The following SLC25A26 variants were observed in gnomAD, a reference collection of about 807,000 sequenced individuals.
The protein encoded by SLC25A26 is mitochondrial S-adenosylmethionine carrier protein.
In SLC25A26, 36 loss-of-function variants were observed where a neutral mutation model predicts 37.8. The observed-to-expected ratio is 0.95, with a 90% CI of 0.73 to 1.26. The LOEUF (loss-of-function observed/expected upper bound fraction) is 1.26, where lower values mean the gene tolerates loss of function less well. SLC25A26 is among the 50% of genes most tolerant of loss of function. The probability of loss-of-function intolerance (pLI) is 0.00; values close to 1 mark genes in which losing one functional copy is unlikely to be tolerated. For synonymous variants in SLC25A26, 129 were observed against 122.5 expected, an observed-to-expected ratio of 1.05 and a Z score of -0.35; for missense variants, 390 against 331.1, an observed-to-expected ratio of 1.18 and a Z score of -1.38.
At chr3:66,331,296 A>G (rs2075967968) in intron 5 of SLC25A26, among the ~76,000 whole-genome samples, 1 of 152,160 alleles carries the variant, frequency 6.6e-6, no homozygotes, top group Non-Finnish European at 1.5e-5. Context: ...CAAACAGTAG[A>G]CATCCCTAGG....
chr3:66,137,201 T>G (rs2069958949), intron 1 of SLC25A26, among the ~76,000 whole-genome samples: 1 of 150,822 alleles, frequency 6.6e-6, no homozygotes, highest in Non-Finnish European at 1.5e-5. Context: ...AATCTACCTA[T>G]GCTGTGATTT....
chr3:66,291,928 G>A lies in SLC25A26; in HGVS notation c.453+28549G>A, dbSNP rs185387710. On this transcript the variant is annotated intron_variant, in intron 5 of 9. Transcript: ENST00000354883. Reference sequence around the variant, plus strand: ...AAAGTCTCCCACTGTTGTTGTGTGGGCATCTAAGTCTGTTTGTAGGTCTCT... The same window carrying A: ...AAAGTCTCCCACTGTTGTTGTGTGGACATCTAAGTCTGTTTGTAGGTCTCT... 2.2e-4 allele frequency among the ~76,000 whole-genome samples: 33 copies of A among 152,266 alleles called. No individual in the cohort carries two copies. In the East Asian group the frequency reaches 5.8e-3, roughly 27 times the overall value.
intron 1 of SLC25A26, among the ~76,000 whole-genome samples, chr3:66,195,016 T>A (rs1440996984): frequency 1.3e-5 from 2 of 152,206 alleles, no homozygotes; most frequent in Non-Finnish European, 2.9e-5. Context: ...AACAGAGCTG[T>A]CTGCCCACCC....
At chr3:66,164,365 G>T (rs2070397558) in intron 1 of SLC25A26, among the ~76,000 whole-genome samples, 1 of 152,122 alleles carries the variant, frequency 6.6e-6, no homozygotes, top group Non-Finnish European at 1.5e-5. Flanking sequence ...TTGCAAAATA[G>T]CTGCCATAGC....
chr3:66,142,562 C>T (rs186027836), intron 1 of SLC25A26, among the ~76,000 whole-genome samples: 15 of 152,180 alleles, frequency 9.9e-5, no homozygotes, highest in Admixed American at 7.9e-4. Flanking sequence ...CGGAGAAGAA[C>T]CTGAACAAAC....
At chr3:66,282,063 C>CTGCAG (rs2074363535) in intron 5 of SLC25A26, among the ~76,000 whole-genome samples, 1 of 135,214 alleles carries the variant, frequency 7.4e-6, no homozygotes, top group Non-Finnish European at 1.5e-5. Context: ...GGACTGCGGA[C>CTGCAG]TGCAGTGGCG....
chr3:66,211,822 A>T (rs1405679497), intron 1 of SLC25A26, among the ~76,000 whole-genome samples: 2 of 152,200 alleles, frequency 1.3e-5, no homozygotes, highest in African/African-American at 4.8e-5. Context: ...AATATAACAT[A>T]AAAATGACCA....
intron 5 of SLC25A26, among the ~76,000 whole-genome samples, chr3:66,270,433 A>C (rs2107348868): frequency 1.3e-5 from 2 of 152,348 alleles, no homozygotes; most frequent in African/African-American, 4.8e-5. Flanking sequence ...CAAATAGAAC[A>C]TCTGTTAAAA....
chr3:66,178,436 T>A (rs2070631696), intron 1 of SLC25A26, among the ~76,000 whole-genome samples: 1 of 152,114 alleles, frequency 6.6e-6, no homozygotes, highest in Non-Finnish European at 1.5e-5. Context: ...TGGGCAGCGT[T>A]TGGTGCACTT....
intron 1 of SLC25A26, among the ~76,000 whole-genome samples, chr3:66,193,886 T>C (rs2070992843): frequency 6.6e-6 from 1 of 152,154 alleles, no homozygotes; most frequent in Non-Finnish European, 1.5e-5. Context: ...GAGAGGCTGT[T>C]CCTAACTGTC....
intron 5 of SLC25A26, among the ~76,000 whole-genome samples, chr3:66,337,429 T>G (rs2076114824): frequency 6.6e-6 from 1 of 151,956 alleles, no homozygotes. Context: ...AAAATAGAAA[T>G]AAGCCATCAA....
At position 66,369,530 on chromosome 3, in the gene SLC25A26, T is replaced by C. The variant is rs1700237691; in HGVS notation, c.621T>C (p.Ile207=). Reference sequence around the variant, plus strand: ...CTCTAGACGTGGCAAAGACAAGAATTACGCTGGCAAAGGTAAGTGGTGAAA... The same window carrying C: ...CTCTAGACGTGGCAAAGACAAGAATCACGCTGGCAAAGGTAAGTGGTGAAA... ...TTPLDVAKTR[I]TLAKAGSSTA... Residue 207 remains isoleucine, a synonymous_variant, in exon 8 of 10, where the codon ATT becomes ATC. Transcript: ENST00000354883. The C allele has an allele frequency of 6.2e-7, 1 of 1,601,106 alleles. No homozygotes were observed. Among genetic ancestry groups the C allele is most frequent in the African/African-American group, 1.3e-5 (1 of 74,796 alleles).
intron 6 of SLC25A26, among the ~76,000 whole-genome samples, chr3:66,355,408 T>G (rs927262338): frequency 6.6e-6 from 1 of 152,178 alleles, no homozygotes; most frequent in African/African-American, 2.4e-5. Flanking sequence ...CTAGCTGCCT[T>G]TATAACCCAA....
intron 5 of SLC25A26, chr3:66,324,236 A>C: frequency 7.6e-6 from 1 of 131,444 alleles, no homozygotes; most frequent in African/African-American, 2.8e-5. Flanking sequence ...GTGTAGTTTG[A>C]CAGCAGGGGG....
At chr3:66,214,220 A>G (rs1337558307) in intron 1 of SLC25A26, among the ~76,000 whole-genome samples, 2 of 152,072 alleles carry the variant, frequency 1.3e-5, no homozygotes, top group Non-Finnish European at 2.9e-5. Context: ...AGAGCCTGGC[A>G]GCTATCTTTC....
chr3:66,276,520 G>A (rs939895436), intron 5 of SLC25A26, among the ~76,000 whole-genome samples: 4 of 152,030 alleles, frequency 2.6e-5, no homozygotes, highest in African/African-American at 7.2e-5. Flanking sequence ...GTTTGTATGG[G>A]CAGAACACAA....
At chr3:66,334,215 G>T (rs2076043496) in intron 5 of SLC25A26, among the ~76,000 whole-genome samples, 1 of 152,148 alleles carries the variant, frequency 6.6e-6, no homozygotes, top group Non-Finnish European at 1.5e-5. Flanking sequence ...GATTTGATTT[G>T]TTGTGTCTCC....
intron 1 of SLC25A26, among the ~76,000 whole-genome samples, chr3:66,209,312 TAC>T (rs2071239848): frequency 7.2e-6 from 1 of 139,546 alleles, no homozygotes; most frequent in Non-Finnish European, 1.5e-5. Flanking sequence ...TATGTATATA[TAC>T]ATATATATCT....
chr3:66,357,129 G>T (rs541314935), intron 6 of SLC25A26, among the ~76,000 whole-genome samples: 1 of 151,878 alleles, frequency 6.6e-6, no homozygotes, highest in Non-Finnish European at 1.5e-5. Flanking sequence ...TGTAACCATA[G>T]ATTCATGTGA....
Sources: gnomAD v4.1 joint callset for allele counts (sites outside exome capture counted in the v4.1 genomes callset) on GRCh38, gnomAD v4.1.1 for gene constraint, MANE v1.5 for transcripts, NCBI Gene and HGNC (gene_info 2026-07-23, HGNC 2026-07-21) for gene names.